The following SYT14 variants were observed in gnomAD, a reference collection of about 807,000 sequenced individuals.
SYT14 encodes synaptotagmin-14.
In SYT14, 32 loss-of-function variants were observed where a neutral mutation model predicts 74.2. That is an observed-to-expected ratio of 0.43 (90% CI 0.33 to 0.58). The LOEUF (loss-of-function observed/expected upper bound fraction) is 0.58, where lower values mean the gene tolerates loss of function less well. SYT14 is among the 20% of genes least tolerant of loss of function. The pLI, the probability that SYT14 is intolerant of heterozygous loss-of-function variation, is 0.05. For synonymous variants in SYT14, 298 were observed against 337.7 expected, an observed-to-expected ratio of 0.88 and a Z score of 1.29; for missense variants, 791 against 981.8, an observed-to-expected ratio of 0.81 and a Z score of 2.60.
At chr1:210,077,193 A>G (rs1272759644) in intron 5 of SYT14, among the ~76,000 whole-genome samples, 1 of 152,136 alleles carries the variant, frequency 6.6e-6, no homozygotes, top group East Asian at 1.9e-4. Flanking sequence ...GGTGGAAGGC[A>G]AAGTGGGAAC....
At chr1:210,007,542 GA>G (rs1314529099) in intron 2 of SYT14, among the ~76,000 whole-genome samples, 2 of 151,958 alleles carry the variant, frequency 1.3e-5, no homozygotes, top group East Asian at 1.9e-4. Flanking sequence ...AACTTGAATA[GA>G]AAAAAATTAG....
chr1:209,979,597 C>G (rs1252408873), intron 2 of SYT14, among the ~76,000 whole-genome samples: 5 of 152,236 alleles, frequency 3.3e-5, no homozygotes, highest in Middle Eastern at 3.4e-3. Context: ...GGTGCTTTCC[C>G]TCCTGCTGCC....
chr1:210,109,302 G>A (rs191939021), intron 7 of SYT14, among the ~76,000 whole-genome samples: 71 of 152,102 alleles, frequency 4.7e-4, no homozygotes, highest in African/African-American at 1.6e-3. Context: ...AAAACAGACC[G>A]GGCGCGTTGG....
At chr1:209,976,597 A>G (rs2079369685) in intron 2 of SYT14, among the ~76,000 whole-genome samples, 1 of 151,302 alleles carries the variant, frequency 6.6e-6, no homozygotes. Flanking sequence ...GTTCTTTTAC[A>G]TTTGCTGAGG....
intron 2 of SYT14, among the ~76,000 whole-genome samples, chr1:209,999,440 G>A (rs753973913): frequency 1.3e-5 from 2 of 152,012 alleles, no homozygotes; most frequent in Non-Finnish European, 2.9e-5. Context: ...TTTATCAGTG[G>A]GATACCTGCA....
chr1:210,165,224 G>A (rs544829634), exon 10 of SYT14: 1 of 151,560 alleles, frequency 6.6e-6, no homozygotes, highest in South Asian at 2.1e-4. Context: ...TTGCCTCCCT[G>A]TTTGAAAAAA....
At chr1:209,958,313 C>T (rs187078002) in intron 2 of SYT14, among the ~76,000 whole-genome samples, 2 of 151,932 alleles carry the variant, frequency 1.3e-5, no homozygotes, top group African/African-American at 4.8e-5. Flanking sequence ...TTCTTGTTAT[C>T]TATTAGGACA....
intron 7 of SYT14, among the ~76,000 whole-genome samples, chr1:210,120,888 C>A (rs1454314265): frequency 6.6e-6 from 1 of 151,986 alleles, no homozygotes; most frequent in Non-Finnish European, 1.5e-5. Flanking sequence ...AATTTTTATA[C>A]CAGCTCATTT....
intron 5 of SYT14, among the ~76,000 whole-genome samples, chr1:210,075,516 G>T (rs554207980): frequency 1.5e-4 from 23 of 152,116 alleles, no homozygotes; most frequent in African/African-American, 5.5e-4. Context: ...TGTATTTTTA[G>T]TAGAGACGGG....
At chr1:210,149,781 T>C (rs2102696063) in intron 7 of SYT14, among the ~76,000 whole-genome samples, 1 of 152,276 alleles carries the variant, frequency 6.6e-6, no homozygotes, top group South Asian at 2.1e-4. Context: ...CTTCCTTGGC[T>C]CCTGCAAGGC....
rs1041416794 is a variant in SYT14, at chr1:209,941,336, T to C, written c.-534+3059T>C. ...AGAAGTTAGGCTATATTAGGCAAAG[T>C]TACAATTTTTGAAAGGCATTTTGAA... On this transcript the variant is annotated intron_variant, in intron 1 of 9. Transcript: ENST00000637265. Among the ~76,000 whole-genome samples the C allele has an allele frequency of 2.0e-5, 3 of 152,328 alleles. No individual in the cohort carries two copies. The South Asian group carries it at 6.2e-4, about 32-fold the overall frequency.
chr1:210,101,270 C>T (rs2082061024), intron 7 of SYT14, among the ~76,000 whole-genome samples: 1 of 152,186 alleles, frequency 6.6e-6, no homozygotes, highest in African/African-American at 2.4e-5. Flanking sequence ...ATTTATTCAT[C>T]TCTGTTATAT....
intron 5 of SYT14, among the ~76,000 whole-genome samples, chr1:210,052,488 C>T (rs960228172): frequency 7.2e-5 from 11 of 151,736 alleles, no homozygotes; most frequent in African/African-American, 2.7e-4. Context: ...CGTGGTGAAA[C>T]CCCGTCTCTA....
intron 2 of SYT14, among the ~76,000 whole-genome samples, chr1:209,983,925 A>G (rs999570668): frequency 1.3e-5 from 2 of 152,138 alleles, no homozygotes; most frequent in Non-Finnish European, 2.9e-5. Flanking sequence ...ACTATTTTTG[A>G]AAAGTCTTTA....
At chr1:210,063,002 G>T (rs2081233240) in intron 5 of SYT14, among the ~76,000 whole-genome samples, 1 of 143,460 alleles carries the variant, frequency 7.0e-6, no homozygotes, top group Non-Finnish European at 1.5e-5. Context: ...AGCCTTTGTT[G>T]CATGTAATAT....
rs1196789715 is a variant in SYT14 at position 210,056,659 on chromosome 1, C to CAAA, written c.1312+35420_1312+35422dup. On this transcript the variant is annotated intron_variant, in intron 5 of 9. Transcript: ENST00000637265. ...TGAAACCCCGTCTCTACTAAAAATACAAAAAAAAAAAAAAAAATTAGCCGG... is the reference window on the plus strand; with the variant it reads ...TGAAACCCCGTCTCTACTAAAAATACAAAAAAAAAAAAAAAAAAAATTAGCCGG... 3.4e-4 allele frequency among the ~76,000 whole-genome samples: 27 copies of CAAA among 79,386 alleles called. 3 individuals carry two copies. In the East Asian group the frequency reaches 5.7e-3, roughly 17 times the overall value. 52.1% of individuals were successfully genotyped at this position (79,386 alleles called of 152,430 possible). A position where few individuals can be genotyped will look rare whatever the true frequency, so the allele number is the denominator to read the frequency against.
At chr1:209,992,027 T>C (rs2079697995) in intron 2 of SYT14, among the ~76,000 whole-genome samples, 1 of 152,124 alleles carries the variant, frequency 6.6e-6, no homozygotes, top group Admixed American at 6.5e-5. Context: ...AAATAAATCA[T>C]TATATCAAAA....
chr1:210,164,170 G>A (rs1187966207), exon 10 of SYT14: 1 of 414,116 alleles, frequency 2.4e-6, no homozygotes, highest in Non-Finnish European at 4.8e-6. Flanking sequence ...ATATTCTTGT[G>A]TCTTCAGTAC....
intron 7 of SYT14, among the ~76,000 whole-genome samples, chr1:210,151,998 A>G (rs900771364): frequency 6.6e-6 from 1 of 152,200 alleles, no homozygotes; most frequent in Non-Finnish European, 1.5e-5. Context: ...ATTGTGAAAA[A>G]TGTATCTCAC....
Sources: allele counts gnomAD v4.1 joint callset (sites outside exome capture counted in the v4.1 genomes callset), GRCh38; gene constraint gnomAD v4.1.1; transcripts MANE v1.5; gene names NCBI Gene and HGNC (gene_info 2026-07-23, HGNC 2026-07-21).